FGF12: variants seen among roughly 807,000 people sequenced by gnomAD.
FGF12 encodes fibroblast growth factor 12.
In FGF12, 14 loss-of-function variants were observed where a neutral mutation model predicts 23.6. The ratio of observed to expected loss-of-function variants is 0.59; its 90% CI spans 0.39 to 0.93. FGF12 has a LOEUF of 0.93. Ranked by LOEUF, FGF12 falls within the 40% of genes least tolerant of loss-of-function variation. The pLI, the probability that FGF12 is intolerant of heterozygous loss-of-function variation, is 0.00. For synonymous variants in FGF12, 62 were observed against 77.3 expected (o/e 0.80, Z 1.04); for missense variants, 175 against 217.8 (o/e 0.80, Z 1.24).
chr3:192,624,742 T>G (rs1302056921), intron 2 of FGF12, among the ~76,000 whole-genome samples: 1 of 152,146 alleles, frequency 6.6e-6, no homozygotes, highest in East Asian at 1.9e-4. Flanking sequence ...GTGTATACAA[T>G]GATTGTAAAA....
chr3:192,326,495 T>C (rs1328830563), intron 4 of FGF12, among the ~76,000 whole-genome samples: 1 of 152,158 alleles, frequency 6.6e-6, no homozygotes, highest in Non-Finnish European at 1.5e-5. Flanking sequence ...TCTCAATAAC[T>C]CCTGACACAG....
At chr3:192,660,071 T>G (rs1319423899) in intron 2 of FGF12, among the ~76,000 whole-genome samples, 2 of 151,974 alleles carry the variant, frequency 1.3e-5, no homozygotes, top group African/African-American at 2.4e-5. Context: ...GTATGTTTAT[T>G]GTGGCACTAT....
chr3:192,481,545 A>C (rs1560124500), intron 2 of FGF12, among the ~76,000 whole-genome samples: 2 of 152,232 alleles, frequency 1.3e-5, no homozygotes, highest in Non-Finnish European at 2.9e-5. Flanking sequence ...TTCTCTGGCC[A>C]CAGAGATTTC....
chr3:192,428,418 A>G lies in FGF12; in HGVS notation c.14-67880T>C, dbSNP rs117782109. 5.9e-5 allele frequency among the ~76,000 whole-genome samples: 9 copies of G among 152,330 alleles called. No homozygotes were observed. In the East Asian group the frequency reaches 1.5e-3, roughly 26 times the overall value. On this transcript the variant is annotated intron_variant, in intron 2 of 5. Coordinates refer to ENST00000445105, the MANE Select transcript of FGF12 (RefSeq NM_004113.6). ...ACTATGTCTGAAAGCAGCCACTCTA[A>G]TAATGATGTTGATTTTTATACTCCT...
intron 4 of FGF12, among the ~76,000 whole-genome samples, chr3:192,212,411 T>C (rs1314855083): frequency 1.3e-5 from 2 of 152,108 alleles, no homozygotes; most frequent in Non-Finnish European, 2.9e-5. Context: ...AAAAAAAATG[T>C]ATTAAATGTG....
intron 4 of FGF12, among the ~76,000 whole-genome samples, chr3:192,280,249 T>C (rs1714065349): frequency 6.6e-6 from 1 of 152,174 alleles, no homozygotes; most frequent in Non-Finnish European, 1.5e-5. Context: ...AAATGTTAGT[T>C]AATGGAGCAG....
At position 192,712,436 on chromosome 3, in the gene FGF12, A is replaced by G. The variant is rs774463908; in HGVS notation, c.13+14745T>C. 1.6e-4 allele frequency among the ~76,000 whole-genome samples: 25 copies of G among 152,016 alleles called. 1 individual carries two copies. The highest frequency in any genetic ancestry group is 2.5e-4 in the Non-Finnish European group (17 of 67,982). Reference sequence around the variant, plus strand: ...CATAATGAGTGAAAATGAAACTATAAGAAGGCAAATTACTATCAATTTTCA... The same window carrying G: ...CATAATGAGTGAAAATGAAACTATAGGAAGGCAAATTACTATCAATTTTCA... On this transcript the variant is annotated intron_variant, in intron 2 of 5. Coordinates refer to ENST00000445105, the MANE Select transcript of FGF12 (RefSeq NM_004113.6).
intron 4 of FGF12, among the ~76,000 whole-genome samples, chr3:192,207,514 T>C (rs1256886409): frequency 1.3e-5 from 2 of 152,112 alleles, no homozygotes; most frequent in African/African-American, 4.8e-5. Flanking sequence ...CAAAGGCAAA[T>C]GCAGAGAAGT....
At chr3:192,424,225 T>C (rs1251641146) in intron 2 of FGF12, among the ~76,000 whole-genome samples, 4 of 152,166 alleles carry the variant, frequency 2.6e-5, no homozygotes, top group Admixed American at 2.0e-4. Context: ...CTTAGAACAG[T>C]AGGAATTTCT....
chr3:192,189,473 C>T (rs1281986150), intron 4 of FGF12, among the ~76,000 whole-genome samples: 3 of 152,140 alleles, frequency 2.0e-5, no homozygotes, highest in African/African-American at 7.2e-5. Context: ...CTTCTCTCAC[C>T]CCAAAATTTT....
chr3:192,411,743 C>T (rs1721206458), intron 2 of FGF12, among the ~76,000 whole-genome samples: 1 of 152,126 alleles, frequency 6.6e-6, no homozygotes, highest in Admixed American at 6.5e-5. Context: ...TATTAAACAC[C>T]CACACAGACA....
chr3:192,222,032 G>C (rs953712807), intron 4 of FGF12, among the ~76,000 whole-genome samples: 30 of 152,074 alleles, frequency 2.0e-4, no homozygotes, highest in African/African-American at 7.2e-4. Context: ...GAAGCCACAG[G>C]AACAGAGAAC....
intron 4 of FGF12, among the ~76,000 whole-genome samples, chr3:192,195,079 G>T (rs1716992892): frequency 6.6e-6 from 1 of 152,172 alleles, no homozygotes; most frequent in African/African-American, 2.4e-5. Flanking sequence ...GATGCAGATT[G>T]GCAGTCCTAT....
At chr3:192,167,731 GTATATATATATATATATATA>G (rs11394352) in intron 5 of FGF12, among the ~76,000 whole-genome samples, 5 of 25,044 alleles carry the variant, frequency 2.0e-4, no homozygotes, top group East Asian at 1.6e-3. Flanking sequence ...TAGGTTATAG[GTATATATATATATATATATA>G]TATATATATA....
At chr3:192,204,493 CCACAATCCAGGCAGAT>C (rs1261334084) in intron 4 of FGF12, among the ~76,000 whole-genome samples, 1 of 152,142 alleles carries the variant, frequency 6.6e-6, no homozygotes. Context: ...TTGTAAAGTG[CCACAATCCAGGCAGAT>C]AAATATGCTG....
intron 2 of FGF12, among the ~76,000 whole-genome samples, chr3:192,604,175 T>A (rs1714239932): frequency 6.6e-6 from 1 of 152,170 alleles, no homozygotes; most frequent in Admixed American, 6.5e-5. Flanking sequence ...ATGATTGTCT[T>A]CCCTTGTTCC....
At chr3:192,612,199 T>C (rs1344139552) in intron 2 of FGF12, among the ~76,000 whole-genome samples, 1 of 152,044 alleles carries the variant, frequency 6.6e-6, no homozygotes, top group East Asian at 1.9e-4. Flanking sequence ...AGTGACTGGA[T>C]GAAGTATCCT....
At chr3:192,567,716 C>T (rs561743068) in intron 2 of FGF12, among the ~76,000 whole-genome samples, 12 of 150,012 alleles carry the variant, frequency 8.0e-5, no homozygotes, top group African/African-American at 2.8e-4. Context: ...TCCATTTTTA[C>T]ATGGTCTTCT....
intron 3 of FGF12, among the ~76,000 whole-genome samples, chr3:192,343,938 G>A (rs1198548681): frequency 3.3e-5 from 5 of 152,106 alleles, no homozygotes; most frequent in South Asian, 2.1e-4. Flanking sequence ...GTAACTTGCC[G>A]TATTCTTTTA....
Sources: allele counts gnomAD v4.1 joint callset (sites outside exome capture counted in the v4.1 genomes callset), GRCh38; gene constraint gnomAD v4.1.1; transcripts MANE v1.5; gene names NCBI Gene and HGNC (gene_info 2026-07-23, HGNC 2026-07-21).